The following TP63 variants were observed in gnomAD, a reference collection of about 807,000 sequenced individuals.
The protein encoded by TP63 is tumor protein 63.
TP63 carries 17 observed loss-of-function variants against 82.8 expected under a neutral mutation model. The ratio of observed to expected loss-of-function variants is 0.21; its 90% CI spans 0.14 to 0.31. The LOEUF is 0.31. TP63 is among the 10% of genes least tolerant of loss of function. TP63 has a pLI of 1.00. For missense variants in TP63, 648 were observed against 895.3 expected, an observed-to-expected ratio of 0.72 and a Z score of 3.52; for synonymous variants, 330 against 321.7, an observed-to-expected ratio of 1.03 and a Z score of -0.28.
chr3:189,710,532 G>T (rs1022779197), intron 1 of TP63, among the ~76,000 whole-genome samples: 2 of 151,850 alleles, frequency 1.3e-5, no homozygotes, highest in Admixed American at 6.6e-5. Flanking sequence ...TGCTTTAGTT[G>T]CAGTTTTGGA....
At chr3:189,645,212 T>C (rs9842008) in intron 1 of TP63, 95,285 of 243,484 alleles carry the variant, frequency 0.39, 19,516 homozygotes, top group Non-Finnish European at 0.43. Context: ...TTTTCAATAA[T>C]ATTCTTTTAT....
the TP63 span, among the ~76,000 whole-genome samples, chr3:189,605,077 A>G: frequency 2.0e-5 from 3 of 152,154 alleles, no homozygotes; most frequent in Non-Finnish European, 4.4e-5. Context: ...GTTTTCTTCT[A>G]GTGGTATCTC....
chr3:189,793,664 T>C (rs1050724329), intron 3 of TP63, among the ~76,000 whole-genome samples: 13 of 152,102 alleles, frequency 8.5e-5, no homozygotes, highest in Non-Finnish European at 1.5e-4. Flanking sequence ...CTTCCTAGTA[T>C]AACTTTTCTC....
At chr3:189,858,635 TG>T (rs1189508844) in intron 4 of TP63, among the ~76,000 whole-genome samples, 1 of 151,998 alleles carries the variant, frequency 6.6e-6, no homozygotes, top group African/African-American at 2.4e-5. Context: ...CAAAATTAGC[TG>T]GGCATAGTAG....
chr3:189,735,061 G>A (rs1203269048), intron 1 of TP63, among the ~76,000 whole-genome samples: 1 of 152,144 alleles, frequency 6.6e-6, no homozygotes. Context: ...GGTTGCGAAT[G>A]ACCTCCTTAT....
intron 1 of TP63, among the ~76,000 whole-genome samples, chr3:189,658,071 CA>C (rs947139336): frequency 8.6e-5 from 13 of 151,892 alleles, no homozygotes; most frequent in Non-Finnish European, 1.6e-4. Flanking sequence ...CCTGTGTTTT[CA>C]AAAAGTAAAG....
At chr3:189,679,624 T>G (rs1470121672) in intron 1 of TP63, among the ~76,000 whole-genome samples, 1 of 152,118 alleles carries the variant, frequency 6.6e-6, no homozygotes, top group Admixed American at 6.6e-5. Flanking sequence ...GTACAAAAGT[T>G]TTTTTGTTTG....
chr3:189,877,665 G>A (rs1444078582), intron 10 of TP63, among the ~76,000 whole-genome samples: 1 of 152,084 alleles, frequency 6.6e-6, no homozygotes, highest in Non-Finnish European at 1.5e-5. Context: ...GAGATTATTA[G>A]AACAAAGCAG....
intron 3 of TP63, among the ~76,000 whole-genome samples, chr3:189,745,708 C>CAAAAAAAAAAAAAAAAAAAAAAAAAAAAA (rs71298529): frequency 5.6e-5 from 1 of 17,790 alleles, no homozygotes; most frequent in Non-Finnish European, 9.9e-5. Flanking sequence ...AACTCCATCT[C>CAAAAAAAAAAAAAAAAAAAAAAAAAAAAA]AAAAAAAAAA....
At chr3:189,835,318 G>A (rs1712974327) in intron 4 of TP63, among the ~76,000 whole-genome samples, 1 of 152,120 alleles carries the variant, frequency 6.6e-6, no homozygotes, top group Non-Finnish European at 1.5e-5. Flanking sequence ...AGTTTATGAA[G>A]GCATGTAAAA....
intron 3 of TP63, among the ~76,000 whole-genome samples, chr3:189,799,149 TG>T (rs748299960): frequency 3.2e-4 from 48 of 152,254 alleles, no homozygotes; most frequent in Middle Eastern, 3.4e-3. Flanking sequence ...TTTAAGTGTT[TG>T]TTATATTGGA....
intron 3 of TP63, among the ~76,000 whole-genome samples, chr3:189,779,880 G>A (rs1230472242): frequency 6.6e-6 from 1 of 152,152 alleles, no homozygotes; most frequent in Non-Finnish European, 1.5e-5. Context: ...TACTTTCCAA[G>A]CTGCAGGAAA....
chr3:189,624,351 AATGTT>A, the TP63 span, among the ~76,000 whole-genome samples: 2 of 152,088 alleles, frequency 1.3e-5, no homozygotes, highest in Non-Finnish European at 2.9e-5. Context: ...TGTGGTTTTT[AATGTT>A]ATAAGTATTT....
At chr3:189,704,680 A>C (rs1718069201) in intron 1 of TP63, among the ~76,000 whole-genome samples, 1 of 152,244 alleles carries the variant, frequency 6.6e-6, no homozygotes. Flanking sequence ...CTCAGCACAG[A>C]ATAGGCTCTC....
intron 3 of TP63, among the ~76,000 whole-genome samples, chr3:189,739,662 A>G (rs1720837172): frequency 6.6e-6 from 1 of 152,152 alleles, no homozygotes; most frequent in Non-Finnish European, 1.5e-5. Flanking sequence ...AAGTGGTGAG[A>G]TCATAGGTGT....
chr3:189,827,218 G>GT (rs1711553781), intron 4 of TP63, among the ~76,000 whole-genome samples: 2 of 152,180 alleles, frequency 1.3e-5, no homozygotes, highest in South Asian at 4.1e-4. Flanking sequence ...GTAATTTAGT[G>GT]TGACAGGTGC....
intron 1 of TP63, among the ~76,000 whole-genome samples, chr3:189,659,652 G>C (rs1713701057): frequency 2.0e-5 from 3 of 152,000 alleles, no homozygotes; most frequent in Admixed American, 1.3e-4. Context: ...TTTGCACAGT[G>C]GCTGAACTAA....
At chr3:189,706,488 T>C (rs1718208374) in intron 1 of TP63, among the ~76,000 whole-genome samples, 1 of 152,106 alleles carries the variant, frequency 6.6e-6, no homozygotes, top group Non-Finnish European at 1.5e-5. Flanking sequence ...ACACCTGACC[T>C]TGTGGTCCGC....
intron 3 of TP63, among the ~76,000 whole-genome samples, chr3:189,778,300 C>A (rs1723975134): frequency 6.6e-6 from 1 of 152,226 alleles, no homozygotes; most frequent in African/African-American, 2.4e-5. Context: ...TGGCCTCTAA[C>A]ACACTTCTAG....
Sources: allele counts gnomAD v4.1 joint callset (sites outside exome capture counted in the v4.1 genomes callset), GRCh38; gene constraint gnomAD v4.1.1; transcripts MANE v1.5; gene names NCBI Gene and HGNC (gene_info 2026-07-23, HGNC 2026-07-21).